CDKAL1: variants seen among roughly 807,000 people sequenced by gnomAD.
The protein encoded by CDKAL1 is threonylcarbamoyladenosine tRNA methylthiotransferase.
Under a neutral mutation model 68.2 loss-of-function variants are expected in CDKAL1, and 32 were observed. The ratio of observed to expected loss-of-function variants is 0.47; its 90% confidence interval spans 0.35 to 0.63. CDKAL1 has a LOEUF of 0.63. Among genes scored for constraint, CDKAL1 ranks in the 30% least tolerant of loss-of-function variants. The pLI is 0.00. For synonymous variants in CDKAL1, 234 were observed against 244.3 expected, an observed-to-expected ratio of 0.96 and a Z score of 0.39; for missense variants, 606 against 696.7, an observed-to-expected ratio of 0.87 and a Z score of 1.47.
chr6:20,928,589 A>G (rs572954497), intron 9 of CDKAL1, among the ~76,000 whole-genome samples: 1 of 152,354 alleles, frequency 6.6e-6, no homozygotes, highest in Admixed American at 6.5e-5. Flanking sequence ...GAGATCTGAC[A>G]AAATCAAGTG....
At chr6:21,205,875 C>T (rs1396256065) in intron 15 of CDKAL1, among the ~76,000 whole-genome samples, 7 of 133,928 alleles carry the variant, frequency 5.2e-5, no homozygotes, top group African/African-American at 1.7e-4. Context: ...TGCTCTGTCG[C>T]CCAGGCTGGA....
At chr6:21,208,030 T>A (rs1205721476) in intron 15 of CDKAL1, among the ~76,000 whole-genome samples, 3 of 149,266 alleles carry the variant, frequency 2.0e-5, no homozygotes, top group African/African-American at 4.9e-5. Flanking sequence ...TTTTTTTTTT[T>A]AAAGAGAATA....
At chr6:21,105,520 C>T (rs1406750094) in intron 12 of CDKAL1, among the ~76,000 whole-genome samples, 2 of 152,138 alleles carry the variant, frequency 1.3e-5, no homozygotes, top group African/African-American at 4.8e-5. Flanking sequence ...TGAGTGTGTA[C>T]AAATGATTTT....
intron 9 of CDKAL1, among the ~76,000 whole-genome samples, chr6:20,933,388 T>G (rs1285412123): frequency 1.3e-5 from 2 of 152,194 alleles, no homozygotes; most frequent in African/African-American, 4.8e-5. Flanking sequence ...GTGTGAAAGC[T>G]AGATGGTAGT....
At chr6:21,191,479 T>C (rs1778234606) in intron 13 of CDKAL1, among the ~76,000 whole-genome samples, 1 of 152,198 alleles carries the variant, frequency 6.6e-6, no homozygotes, top group Non-Finnish European at 1.5e-5. Context: ...GTCACAGACG[T>C]TTCTCTGCTC....
chr6:20,639,974 A>G (rs1581874560), intron 4 of CDKAL1, among the ~76,000 whole-genome samples: 1 of 152,120 alleles, frequency 6.6e-6, no homozygotes, highest in Non-Finnish European at 1.5e-5. Context: ...GACCATTTTC[A>G]TTGGTTTTAA....
intron 6 of CDKAL1, chr6:20,756,873 T>C (rs1225318284): frequency 1.6e-5 from 1 of 63,206 alleles, no homozygotes; most frequent in South Asian, 8.1e-4. Flanking sequence ...CCTTCCTTCC[T>C]TCCTTCCTTC....
chr6:21,195,838 A>G (rs1030817852), intron 13 of CDKAL1, among the ~76,000 whole-genome samples: 2 of 152,112 alleles, frequency 1.3e-5, no homozygotes, highest in South Asian at 2.1e-4. Context: ...GGCCTTGCCA[A>G]TGAGACTGGG....
intron 13 of CDKAL1, among the ~76,000 whole-genome samples, chr6:21,174,358 A>G (rs887980129): frequency 6.6e-6 from 1 of 152,238 alleles, no homozygotes; most frequent in African/African-American, 2.4e-5. Flanking sequence ...CAAAAGTTCA[A>G]CAGGGTTTTT....
intron 4 of CDKAL1, chr6:20,558,836 C>G (rs1764159659): frequency 3.0e-6 from 1 of 338,620 alleles, no homozygotes; most frequent in Non-Finnish European, 5.8e-6. Context: ...TGTTGTTTGC[C>G]CAGGCTGGTC....
intron 4 of CDKAL1, among the ~76,000 whole-genome samples, chr6:20,619,702 T>G (rs898006802): frequency 3.9e-5 from 6 of 152,228 alleles, no homozygotes; most frequent in African/African-American, 1.4e-4. Context: ...GGTGTGTCTA[T>G]GCCTTGCTAC....
intron 10 of CDKAL1, among the ~76,000 whole-genome samples, chr6:20,996,982 G>A (rs965456042): frequency 1.3e-5 from 2 of 152,168 alleles, no homozygotes; most frequent in East Asian, 1.9e-4. Flanking sequence ...AAATATTACT[G>A]AATGAAAGTT....
At chr6:21,062,812 C>T (rs576581646) in intron 11 of CDKAL1, among the ~76,000 whole-genome samples, 1 of 152,294 alleles carries the variant, frequency 6.6e-6, no homozygotes, top group South Asian at 2.1e-4. Context: ...TTTGACTGTC[C>T]TCATTGGTAT....
chr6:20,831,682 T>A (rs997040980), intron 8 of CDKAL1, among the ~76,000 whole-genome samples: 9 of 152,194 alleles, frequency 5.9e-5, no homozygotes, highest in African/African-American at 1.9e-4. Context: ...AGTTGTTGTA[T>A]ACAATCCACT....
At position 21,138,874 on chromosome 6, in the gene CDKAL1, T is replaced by G. The variant is rs533818540; in HGVS notation, c.1299+30411T>G. Among the ~76,000 whole-genome samples the G allele has an allele frequency of 8.5e-5, 13 of 152,304 alleles. No individual in the cohort carries two copies. The South Asian group carries it at 2.7e-3, about 32-fold the overall frequency. ...CCGGAGAACACTGTAAAGTCCAGTTTGTCTCCTCCGGCAGCAAGCTTCTCC... is the reference window on the plus strand; with the variant it reads ...CCGGAGAACACTGTAAAGTCCAGTTGGTCTCCTCCGGCAGCAAGCTTCTCC... On this transcript the variant is annotated intron_variant, in intron 13 of 15. Transcript: ENST00000274695.
chr6:20,687,340 C>A (rs1770672358), intron 5 of CDKAL1, among the ~76,000 whole-genome samples: 1 of 152,048 alleles, frequency 6.6e-6, no homozygotes, highest in Admixed American at 6.6e-5. Context: ...ATTATTGATT[C>A]AATTTATTTA....
chr6:20,760,130 T>C (rs1288688336), intron 7 of CDKAL1, among the ~76,000 whole-genome samples: 2 of 151,872 alleles, frequency 1.3e-5, no homozygotes, highest in Admixed American at 6.5e-5. Flanking sequence ...TTTTATTATT[T>C]TTTAATTTTT....
intron 10 of CDKAL1, among the ~76,000 whole-genome samples, chr6:20,990,467 G>A (rs560082880): frequency 6.6e-6 from 1 of 152,310 alleles, no homozygotes; most frequent in East Asian, 1.9e-4. Flanking sequence ...TACAACAGAT[G>A]TTTTGTCTCA....
At chr6:20,738,283 G>A (rs535900919) in intron 5 of CDKAL1, among the ~76,000 whole-genome samples, 53 of 152,212 alleles carry the variant, frequency 3.5e-4, no homozygotes, top group African/African-American at 1.1e-3. Context: ...ATGGGCAAAG[G>A]ATTTGACTAG....
Sources: allele counts gnomAD v4.1 joint callset (sites outside exome capture counted in the v4.1 genomes callset), GRCh38; gene constraint gnomAD v4.1.1; transcripts MANE v1.5; gene names NCBI Gene and HGNC (gene_info 2026-07-23, HGNC 2026-07-21).